SPIDR: variants seen among roughly 807,000 people sequenced by gnomAD.
SPIDR encodes the protein scaffold protein involved in DNA repair.
A neutral mutation model predicts 104.6 loss-of-function variants in SPIDR; 93 were observed. The observed-to-expected ratio is 0.89, with a 90% CI of 0.75 to 1.06. The LOEUF (loss-of-function observed/expected upper bound fraction) is 1.06. Ranked by LOEUF, SPIDR falls within the 50% of genes least tolerant of loss-of-function variation. SPIDR has a pLI of 0.00. For missense variants in SPIDR, 1,154 were observed against 1,111.2 expected, an observed-to-expected ratio of 1.04 and a Z score of -0.55; for synonymous variants, 431 against 416.9, an observed-to-expected ratio of 1.03 and a Z score of -0.41.
At chr8:47,708,807 A>G (rs1053517673) in intron 14 of SPIDR, among the ~76,000 whole-genome samples, 1 of 152,108 alleles carries the variant, frequency 6.6e-6, no homozygotes, top group Non-Finnish European at 1.5e-5. Flanking sequence ...TCACTTAATA[A>G]TATGCATTTA....
At chr8:47,403,471 A>C (rs1554664970) in intron 6 of SPIDR, among the ~76,000 whole-genome samples, 2 of 152,210 alleles carry the variant, frequency 1.3e-5, no homozygotes, top group Admixed American at 6.5e-5. Context: ...GTCTCAGCCC[A>C]AAATCTCCTT....
intron 4 of SPIDR, among the ~76,000 whole-genome samples, chr8:47,291,781 C>A (rs887860804): frequency 6.6e-6 from 1 of 152,200 alleles, no homozygotes; most frequent in East Asian, 1.9e-4. Context: ...TTCTTCCCAA[C>A]CTGTTCGGTA....
rs202219636 is a variant in SPIDR, at chr8:47,696,130, C to G, written c.1686-4273C>G. Among the ~76,000 whole-genome samples the G allele has an allele frequency of 3.9e-5, 6 of 152,324 alleles. No individual in the cohort carries two copies. The East Asian group carries it at 5.8e-4, about 15-fold the overall frequency. On this transcript the variant is annotated intron_variant, in intron 11 of 19. Transcript: ENST00000297423. ...ATTTCCATGCACCTTTCTTGTCGCA[C>G]GATGGGAAACCTCAGCTCTAGTTTG... is the stretch of plus-strand genomic sequence containing the variant.
intron 8 of SPIDR, among the ~76,000 whole-genome samples, chr8:47,565,405 T>C (rs957542285): frequency 3.3e-5 from 5 of 152,236 alleles, no homozygotes; most frequent in Admixed American, 6.5e-5. Flanking sequence ...GGAAATTCTT[T>C]TTATTTTAAC....
intron 5 of SPIDR, among the ~76,000 whole-genome samples, chr8:47,308,902 A>C (rs2043608533): frequency 6.6e-6 from 1 of 152,228 alleles, no homozygotes; most frequent in Admixed American, 6.5e-5. Context: ...GCTAGTGCTA[A>C]TACCTGCAAG....
At chr8:47,284,396 GT>G (rs1359578287) in intron 3 of SPIDR, among the ~76,000 whole-genome samples, 1 of 151,122 alleles carries the variant, frequency 6.6e-6, no homozygotes, top group African/African-American at 2.4e-5. Flanking sequence ...CCAGGGTTTT[GT>G]TTGTTTGTTT....
chr8:47,433,989 AG>A lies in SPIDR; in HGVS notation c.878-6333del, dbSNP rs2067821889. On this transcript the variant is annotated intron_variant, in intron 7 of 19. Transcript: ENST00000297423. Reference sequence around the variant, plus strand: ...TAAAATAGGGCATAGAGTTCGTTAAAGATACTAAACTTCACAAGTAACTAAC... The same window carrying A: ...TAAAATAGGGCATAGAGTTCGTTAAAATACTAAACTTCACAAGTAACTAAC... Among the ~76,000 whole-genome samples the A allele has an allele frequency of 2.6e-5, 4 of 152,262 alleles. No homozygotes were observed. The South Asian group carries it at 8.3e-4, about 31-fold the overall frequency.
intron 8 of SPIDR, among the ~76,000 whole-genome samples, chr8:47,588,040 TATATATATATATA>T (rs2060482905): frequency 3.2e-5 from 1 of 30,982 alleles, no homozygotes; most frequent in Non-Finnish European, 6.1e-5. Flanking sequence ...TATATATATA[TATATATATATATA>T]TATATATATA....
rs374424588 is a variant in SPIDR at position 47,329,360 on chromosome 8, C to T, written c.525+35330C>T. Among the ~76,000 whole-genome samples the T allele has an allele frequency of 2.0e-3, 311 of 152,220 alleles. 2 individuals are homozygous for T. Among genetic ancestry groups the T allele is most frequent in the Non-Finnish European group, 1.9e-3 (129 of 68,010 alleles). On this transcript the variant is annotated intron_variant, in intron 5 of 19. Coordinates refer to ENST00000297423, the MANE Select transcript of SPIDR (RefSeq NM_001080394.4). ...TGCTGGGATTACAGGCGTGAGCCACCGCGCCCGACCCAATTTTTGTATTTT... is the reference window on the plus strand; with the variant it reads ...TGCTGGGATTACAGGCGTGAGCCACTGCGCCCGACCCAATTTTTGTATTTT...
intron 8 of SPIDR, among the ~76,000 whole-genome samples, chr8:47,475,221 T>C (rs2076145186): frequency 6.6e-6 from 1 of 152,222 alleles, no homozygotes; most frequent in Admixed American, 6.5e-5. Context: ...GTCCCTTCTC[T>C]CCTGGGTTAG....
chr8:47,272,485 G>A (rs2035536465), intron 1 of SPIDR, among the ~76,000 whole-genome samples: 1 of 152,196 alleles, frequency 6.6e-6, no homozygotes, highest in Non-Finnish European at 1.5e-5. Context: ...TTAGTTGTCT[G>A]TGGATTATTG....
chr8:47,404,016 G>C (rs1169064291), intron 6 of SPIDR, among the ~76,000 whole-genome samples: 1 of 152,116 alleles, frequency 6.6e-6, no homozygotes, highest in Non-Finnish European at 1.5e-5. Context: ...CAGACCAATG[G>C]AACAAAACAG....
chr8:47,642,330 G>GGT (rs939647290), intron 10 of SPIDR, among the ~76,000 whole-genome samples: 1 of 151,780 alleles, frequency 6.6e-6, no homozygotes, highest in African/African-American at 2.4e-5. Context: ...GCAGGTGAAT[G>GGT]GTGTGAACCC....
chr8:47,665,452 AAGTATTCT>A (rs1200532619), intron 10 of SPIDR, among the ~76,000 whole-genome samples: 1 of 152,112 alleles, frequency 6.6e-6, no homozygotes, highest in Non-Finnish European at 1.5e-5. Context: ...CTTCATTTTG[AAGTATTCT>A]AGCTTTTTAC....
chr8:47,579,745 C>A (rs1345760293), intron 8 of SPIDR, among the ~76,000 whole-genome samples: 1 of 152,136 alleles, frequency 6.6e-6, no homozygotes, highest in Non-Finnish European at 1.5e-5. Flanking sequence ...CAATTTCATG[C>A]CTTCATGTGA....
chr8:47,545,058 C>A (rs1205560844), intron 8 of SPIDR, among the ~76,000 whole-genome samples: 1 of 148,660 alleles, frequency 6.7e-6, no homozygotes, highest in Non-Finnish European at 1.5e-5. Context: ...ACACCAAAGT[C>A]TTTCTTTTTA....
At chr8:47,488,390 C>T (rs2078067703) in intron 8 of SPIDR, among the ~76,000 whole-genome samples, 1 of 152,126 alleles carries the variant, frequency 6.6e-6, no homozygotes, top group Admixed American at 6.5e-5. Flanking sequence ...AGTCCATGAC[C>T]AGAAGGATTC....
At chr8:47,480,588 T>C (rs1388010679) in intron 8 of SPIDR, among the ~76,000 whole-genome samples, 2 of 152,230 alleles carry the variant, frequency 1.3e-5, no homozygotes, top group African/African-American at 4.8e-5. Context: ...GTGAACAGCT[T>C]CGTTCATATA....
intron 19 of SPIDR, chr8:47,732,693 G>A (rs1209622765): frequency 7.2e-5 from 11 of 153,638 alleles, no homozygotes; most frequent in African/African-American, 2.4e-4. Context: ...GATTCTGTCA[G>A]TTTTCTGGGT....
Sources: gnomAD v4.1 joint callset for allele counts (sites outside exome capture counted in the v4.1 genomes callset) on GRCh38, gnomAD v4.1.1 for gene constraint, MANE v1.5 for transcripts, NCBI Gene and HGNC (gene_info 2026-07-23, HGNC 2026-07-21) for gene names.